Variants in SAMD5 observed in about 807,000 individuals in gnomAD.
The protein encoded by SAMD5 is sterile alpha motif domain containing 5.
Under a neutral mutation model 11.3 loss-of-function variants are expected in SAMD5, and 13 were observed. The observed-to-expected ratio is 1.15, with a 90% CI of 0.75 to 1.83. SAMD5 has a LOEUF of 1.83. Among genes scored for constraint, SAMD5 ranks in the 40% most tolerant of loss-of-function variants. SAMD5 has a pLI of 0.00. For synonymous variants in SAMD5, 129 were observed against 111.3 expected (o/e 1.16, Z -1.00); for missense variants, 255 against 239.1 (o/e 1.07, Z -0.44).
At chr6:147,943,840 T>C in the SAMD5 span, among the ~76,000 whole-genome samples, 1 of 152,154 alleles carries the variant, frequency 6.6e-6, no homozygotes, top group Non-Finnish European at 1.5e-5. Context: ...AATTTACAGC[T>C]GGTGCCTAAA....
chr6:147,944,121 C>T, the SAMD5 span, among the ~76,000 whole-genome samples: 1 of 152,150 alleles, frequency 6.6e-6, no homozygotes, highest in Non-Finnish European at 1.5e-5. Context: ...ATTTTCCCTC[C>T]CCCTCTCTCA....
the SAMD5 span, among the ~76,000 whole-genome samples, chr6:147,759,068 C>T: frequency 6.6e-6 from 1 of 152,144 alleles, no homozygotes; most frequent in Non-Finnish European, 1.5e-5. Flanking sequence ...TTAGTAACTG[C>T]GGTAGGCAAT....
the SAMD5 span, among the ~76,000 whole-genome samples, chr6:147,782,407 TATGACTATATGAACATGCCATCCAAGTTA>T: frequency 2.0e-5 from 3 of 152,192 alleles, no homozygotes; most frequent in Non-Finnish European, 4.4e-5. Context: ...GACAGAAGGA[TATGACTATATGAACATGCCATCCAAGTTA>T]ATGATGCCAT....
the SAMD5 span, among the ~76,000 whole-genome samples, chr6:147,919,214 G>A: frequency 6.6e-6 from 1 of 152,154 alleles, no homozygotes; most frequent in African/African-American, 2.4e-5. Context: ...CACGTGTTAC[G>A]AATTGGTAAT....
the SAMD5 span, among the ~76,000 whole-genome samples, chr6:147,781,165 T>G: frequency 1.3e-5 from 2 of 151,946 alleles, no homozygotes; most frequent in African/African-American, 2.4e-5. Context: ...ATTTGTTTTT[T>G]TTTTTTTTGA....
At chr6:147,762,929 TGG>T in the SAMD5 span, among the ~76,000 whole-genome samples, 1 of 152,196 alleles carries the variant, frequency 6.6e-6, no homozygotes, top group Admixed American at 6.5e-5. Flanking sequence ...TAGTATTCAT[TGG>T]TAGGATTTAA....
the SAMD5 span, among the ~76,000 whole-genome samples, chr6:147,758,107 T>G: frequency 1.3e-5 from 2 of 152,190 alleles, no homozygotes; most frequent in Non-Finnish European, 2.9e-5. Flanking sequence ...AACAGAGCCA[T>G]AATTTATAGT....
chr6:147,613,239 C>A (rs192565620), intron 1 of SAMD5, among the ~76,000 whole-genome samples: 1 of 151,986 alleles, frequency 6.6e-6, no homozygotes, highest in Admixed American at 6.5e-5. Flanking sequence ...CCTGCACCCC[C>A]TAGAGCAGCT....
At chr6:147,519,383 A>G (rs187973867) in intron 1 of SAMD5, among the ~76,000 whole-genome samples, 14 of 152,308 alleles carry the variant, frequency 9.2e-5, no homozygotes, top group Admixed American at 3.3e-4. Flanking sequence ...AAAGCATTTA[A>G]TAATTAAACA....
At chr6:147,838,786 C>T in the SAMD5 span, among the ~76,000 whole-genome samples, 1 of 152,122 alleles carries the variant, frequency 6.6e-6, no homozygotes, top group African/African-American at 2.4e-5. Flanking sequence ...GAGGCATACT[C>T]ACTTGTTGGG....
intron 1 of SAMD5, among the ~76,000 whole-genome samples, chr6:147,616,198 ATTTAT>A (rs1312709383): frequency 0.024 from 3,128 of 129,112 alleles, 317 homozygotes; most frequent in African/African-American, 0.091. Context: ...TTTCATATAT[ATTTAT>A]TCATATATAC....
In SAMD5 at chr6:147,568,280, A is replaced by T; in HGVS notation, c.*3824A>T. 3.0e-6 allele frequency: 3 copies of T among 985,308 alleles called. No individual in the cohort carries two copies. Among genetic ancestry groups the T allele is most frequent in the Non-Finnish European group, 3.6e-6 (3 of 829,848 alleles). 61.0% of individuals were successfully genotyped at this position (985,308 alleles called of 1,614,324 possible). On this transcript the variant is annotated 3_prime_UTR_variant, in exon 2 of 2. Coordinates refer to ENST00000367474, the MANE Select transcript of SAMD5 (RefSeq NM_001030060.3). ...AAGCACCTGCTTGAAAATTGATATG[A>T]GCATGTCTGAATTTTTCCCTTATAA...
chr6:147,525,096 G>A (rs922139864), intron 1 of SAMD5, among the ~76,000 whole-genome samples: 10 of 151,702 alleles, frequency 6.6e-5, no homozygotes, highest in African/African-American at 2.4e-4. Context: ...CTGTTTCTCT[G>A]TTGGTGAAAA....
chr6:147,902,223 TTTGACATTTATCACATTTG>T, the SAMD5 span, among the ~76,000 whole-genome samples: 1 of 152,198 alleles, frequency 6.6e-6, no homozygotes, highest in African/African-American at 2.4e-5. Flanking sequence ...ACTGTGTTCA[TTTGACATTTATCACATTTG>T]TTGCATTCAA....
the SAMD5 span, among the ~76,000 whole-genome samples, chr6:147,888,728 CA>C: frequency 6.6e-6 from 1 of 151,716 alleles, no homozygotes; most frequent in African/African-American, 2.4e-5. Flanking sequence ...ACTAAAAACA[CA>C]AAAAAGTTAG....
At chr6:147,949,209 G>C in the SAMD5 span, among the ~76,000 whole-genome samples, 2 of 152,150 alleles carry the variant, frequency 1.3e-5, no homozygotes, top group Non-Finnish European at 2.9e-5. Context: ...CACTGTAAAT[G>C]AAATATAGTG....
intron 1 of SAMD5, among the ~76,000 whole-genome samples, chr6:147,581,443 A>T (rs753353242): frequency 9.9e-5 from 15 of 152,168 alleles, no homozygotes; most frequent in Admixed American, 4.6e-4. Context: ...TGGCCCAGGG[A>T]CAGCGGGAAG....
the SAMD5 span, among the ~76,000 whole-genome samples, chr6:147,802,115 G>A: frequency 1.3e-5 from 2 of 152,142 alleles, no homozygotes; most frequent in African/African-American, 4.8e-5. Flanking sequence ...AAATGAACAG[G>A]TAAGTTACAC....
chr6:147,792,630 A>G, the SAMD5 span, among the ~76,000 whole-genome samples: 1 of 152,186 alleles, frequency 6.6e-6, no homozygotes, highest in East Asian at 1.9e-4. Context: ...TTCATCCTCT[A>G]ATAAAAGGAA....
Sources: allele counts gnomAD v4.1 joint callset (sites outside exome capture counted in the v4.1 genomes callset), GRCh38; gene constraint gnomAD v4.1.1; transcripts MANE v1.5; gene names NCBI Gene and HGNC (gene_info 2026-07-23, HGNC 2026-07-21).